Variants in IQSEC1 observed in about 807,000 individuals in gnomAD.
IQSEC1 encodes IQ motif and SEC7 domain-containing protein 1.
IQSEC1 carries 31 observed loss-of-function variants against 91.0 expected under a neutral mutation model. The ratio of observed to expected loss-of-function variants is 0.34; its 90% CI spans 0.26 to 0.46. The LOEUF is 0.46. Ranked by LOEUF, IQSEC1 falls within the 20% of genes least tolerant of loss-of-function variation. The pLI, the probability that IQSEC1 is intolerant of heterozygous loss-of-function variation, is 1.00. For synonymous variants in IQSEC1, 699 were observed against 662.6 expected (o/e 1.05, Z -0.84); for missense variants, 1,388 against 1,575.6 (o/e 0.88, Z 2.02).
At chr3:12,988,708 C>G (rs916240445) in intron 1 of IQSEC1, among the ~76,000 whole-genome samples, 2 of 152,170 alleles carry the variant, frequency 1.3e-5, no homozygotes, top group Non-Finnish European at 2.9e-5. Context: ...GGGCTTTGGG[C>G]AATGCTCAGT....
At chr3:13,194,438 G>T (rs1376089998) in intron 1 of IQSEC1, among the ~76,000 whole-genome samples, 1 of 152,104 alleles carries the variant, frequency 6.6e-6, no homozygotes, top group African/African-American at 2.4e-5. Flanking sequence ...TCAGGTGCCG[G>T]GAGTGCCTCC....
At chr3:13,016,418 G>A (rs889614490) in intron 1 of IQSEC1, among the ~76,000 whole-genome samples, 1 of 152,196 alleles carries the variant, frequency 6.6e-6, no homozygotes, top group East Asian at 1.9e-4. Flanking sequence ...CCTCTCCACA[G>A]TCTCATTTCC....
At position 12,992,469 on chromosome 3, in the gene IQSEC1, TG is replaced by T. The variant is rs1190857477; in HGVS notation, c.24-50605del. 2.0e-5 allele frequency among the ~76,000 whole-genome samples: 3 copies of T among 152,026 alleles called. No homozygotes were observed. In the East Asian group the frequency reaches 5.8e-4, roughly 29 times the overall value. ...CATCTTGCCAACTGTAATGAGGAGGTGGGCATCATACTGGGGGCAGGGGAGG... is the reference window on the plus strand; with the variant it reads ...CATCTTGCCAACTGTAATGAGGAGGTGGCATCATACTGGGGGCAGGGGAGG... On this transcript the variant is annotated intron_variant, in intron 1 of 13. Coordinates refer to ENST00000613206, the MANE Select transcript of IQSEC1 (RefSeq NM_001134382.3). This position sits in a 1 kb window ranked among gnomAD's most constrained non-coding sequence, Gnocchi z 4.1.
chr3:12,920,824 C>T (rs911882417), intron 5 of IQSEC1, among the ~76,000 whole-genome samples: 3 of 152,174 alleles, frequency 2.0e-5, no homozygotes, highest in Non-Finnish European at 4.4e-5. Context: ...CTGGGGAGGA[C>T]TACATTTCCC....
chr3:12,900,011 T>C lies in IQSEC1; in HGVS notation c.*972A>G, dbSNP rs138967065. 368 of 985,376 alleles carry C rather than the reference T, an allele frequency of 3.7e-4. No homozygotes were observed. In the African/African-American group the frequency reaches 5.7e-3, roughly 15 times the overall value. The allele number at this position is 985,376 out of a possible 1,614,324, so 61.0% of individuals were successfully genotyped here. ...GTCACAGTTATCGCAGCCATTAAAG[T>C]GTCTAAGAATCCGTGTAACCAATGT... On this transcript the variant is annotated 3_prime_UTR_variant, in exon 14 of 14. Coordinates refer to ENST00000613206, the MANE Select transcript of IQSEC1 (RefSeq NM_001134382.3).
intron 2 of IQSEC1, among the ~76,000 whole-genome samples, chr3:13,101,412 C>T (rs542107037): frequency 1.6e-5 from 2 of 125,482 alleles, no homozygotes; most frequent in South Asian, 5.3e-4. Flanking sequence ...GGGTGAGATT[C>T]CATCTCCAAA....
intron 1 of IQSEC1, among the ~76,000 whole-genome samples, chr3:13,071,961 A>G (rs915156895): frequency 6.6e-6 from 1 of 152,216 alleles, no homozygotes; most frequent in African/African-American, 2.4e-5. Flanking sequence ...AGTGGAGGTG[A>G]CGGGGAGCTG....
At chr3:13,013,447 C>T (rs2124926515) in intron 1 of IQSEC1, among the ~76,000 whole-genome samples, 1 of 152,336 alleles carries the variant, frequency 6.6e-6, no homozygotes, top group South Asian at 2.1e-4. Flanking sequence ...GGTCAGAGGA[C>T]AGCTCACACT....
In IQSEC1 at chr3:12,915,657, C is replaced by T; in HGVS notation, c.2097G>A (p.Lys699=). 1 of 1,614,166 alleles carries T rather than the reference C, an allele frequency of 6.2e-7. No homozygotes were observed. Among genetic ancestry groups the T allele is most frequent in the Non-Finnish European group, 8.5e-7 (1 of 1,180,024 alleles). Reference sequence around the variant, plus strand: ...CCTGGGACACATGGTCCTCATTGGTCTTTAGCTCTCGCTTACGGATCCGTT... The same window carrying T: ...CCTGGGACACATGGTCCTCATTGGTTTTTAGCTCTCGCTTACGGATCCGTT... ...IYERIRKREL[K]TNEDHVSQVQ... The change falls in exon 7 of 14, where the codon AAG becomes AAA. Residue 699 remains lysine (K), a synonymous_variant. Coordinates refer to ENST00000613206, the MANE Select transcript of IQSEC1 (RefSeq NM_001134382.3).
intron 1 of IQSEC1, among the ~76,000 whole-genome samples, chr3:13,010,073 G>C (rs1702810565): frequency 6.6e-6 from 1 of 152,198 alleles, no homozygotes; most frequent in Non-Finnish European, 1.5e-5. Flanking sequence ...TGCAAAATAG[G>C]GATCATAACA....
At chr3:13,143,792 A>T (rs948095409) in intron 2 of IQSEC1, among the ~76,000 whole-genome samples, 4 of 152,214 alleles carry the variant, frequency 2.6e-5, no homozygotes, top group African/African-American at 9.6e-5. Flanking sequence ...AAGTAGAGCC[A>T]GGGAGGGGTT....
intron 2 of IQSEC1, among the ~76,000 whole-genome samples, chr3:13,145,513 C>T (rs755491484): frequency 6.6e-6 from 1 of 152,130 alleles, no homozygotes; most frequent in Non-Finnish European, 1.5e-5. Context: ...CATAGGCTCC[C>T]TCTAATGTCT....
At chr3:12,973,162 C>T (rs76742631) in intron 1 of IQSEC1, among the ~76,000 whole-genome samples, 1,533 of 152,288 alleles carry the variant, frequency 0.01, 22 homozygotes, top group African/African-American at 0.035. Context: ...TCCTACGTGA[C>T]ACTGAACTGC....
intron 1 of IQSEC1, among the ~76,000 whole-genome samples, chr3:13,213,132 G>T (rs1303076758): frequency 6.6e-6 from 1 of 152,110 alleles, no homozygotes; most frequent in Non-Finnish European, 1.5e-5. Flanking sequence ...CAAACCCAAG[G>T]CCATGAAGAT....
chr3:13,215,689 T>C (rs1321721507), intron 1 of IQSEC1, among the ~76,000 whole-genome samples: 2 of 152,184 alleles, frequency 1.3e-5, no homozygotes, highest in Non-Finnish European at 2.9e-5. Context: ...AAGGCCGACA[T>C]GGCCACTGCA....
At chr3:13,018,060 G>T (rs2124953195) in intron 1 of IQSEC1, among the ~76,000 whole-genome samples, 1 of 152,348 alleles carries the variant, frequency 6.6e-6, no homozygotes, top group East Asian at 1.9e-4. Flanking sequence ...GAGGCTCAGA[G>T]GACAGGGCCA....
rs1698052805 is a variant in IQSEC1 at position 12,935,142 on chromosome 3, C to G, written c.1568+306G>C. Among the ~76,000 whole-genome samples the G allele has an allele frequency of 6.6e-6, 1 of 152,216 alleles. No individual in the cohort carries two copies. The highest frequency in any genetic ancestry group is 6.5e-5 in the Admixed American group (1 of 15,290). On this transcript the variant is annotated intron_variant, in intron 3 of 13. Coordinates refer to ENST00000613206, the MANE Select transcript of IQSEC1 (RefSeq NM_001134382.3). The surrounding 1 kb of genome is among the most constrained non-coding windows in gnomAD (Gnocchi z 8.0). Reference sequence around the variant, plus strand: ...GGCATGGCCCAACATACCCCACTTGCTATGGCGGACTTGGGGGGGATGGGA... The same window carrying G: ...GGCATGGCCCAACATACCCCACTTGGTATGGCGGACTTGGGGGGGATGGGA...
chr3:13,149,988 G>A (rs999227862), intron 2 of IQSEC1, among the ~76,000 whole-genome samples: 11 of 152,154 alleles, frequency 7.2e-5, no homozygotes, highest in Non-Finnish European at 1.0e-4. Flanking sequence ...TCCCGGGAAC[G>A]GTCCTGCCAG....
In IQSEC1 at chr3:13,110,765, G is replaced by C. The variant is rs13326454; in HGVS notation, c.302+53339C>G. 1.8e-3 allele frequency among the ~76,000 whole-genome samples: 273 copies of C among 152,328 alleles called. 1 individual carries two copies. Among genetic ancestry groups the C allele is most frequent in the African/African-American group, 6.3e-3 (263 of 41,566 alleles). The stretch of plus-strand genomic sequence containing the variant: ...GCATCTGCAAGAGCCAGCTTCCCCA[G>C]CCTCAGCCGCCTGAGATTTATGCTC... On this transcript the variant is annotated intron_variant, in intron 2 of 15. Transcript: ENST00000648114.
Sources: allele counts gnomAD v4.1 joint callset (sites outside exome capture counted in the v4.1 genomes callset), GRCh38; gene constraint gnomAD v4.1.1; non-coding constraint Gnocchi (gnomAD v3.1); transcripts MANE v1.5; gene names NCBI Gene and HGNC (gene_info 2026-07-23, HGNC 2026-07-21).